TTLL5: variants seen among roughly 807,000 people sequenced by gnomAD.
TTLL5 encodes the protein tubulin polyglutamylase TTLL5.
A neutral mutation model predicts 168.4 loss-of-function variants in TTLL5; 132 were observed. The observed-to-expected ratio is 0.78, with a 90% CI of 0.68 to 0.91. The LOEUF is 0.91. Ranked by LOEUF, TTLL5 falls within the 40% of genes least tolerant of loss-of-function variation. The probability of loss-of-function intolerance (pLI) is 0.00; values close to 1 mark genes in which losing one functional copy is unlikely to be tolerated. For synonymous variants in TTLL5, 546 were observed against 558.6 expected, an observed-to-expected ratio of 0.98 and a Z score of 0.32; for missense variants, 1,545 against 1,581.5, an observed-to-expected ratio of 0.98 and a Z score of 0.39.
At chr14:75,929,794 G>T (rs957661592) in intron 31 of TTLL5, among the ~76,000 whole-genome samples, 2 of 152,096 alleles carry the variant, frequency 1.3e-5, no homozygotes, top group Non-Finnish European at 2.9e-5. Flanking sequence ...AAGTTTATCT[G>T]ACCTGGAACC....
intron 5 of TTLL5, chr14:75,689,676 A>G (rs1439116466): frequency 6.4e-6 from 1 of 157,284 alleles, no homozygotes; most frequent in East Asian, 1.9e-4. Context: ...ATACTGATAC[A>G]TGCAACAATG....
intron 31 of TTLL5, among the ~76,000 whole-genome samples, chr14:75,910,699 G>C (rs2033342096): frequency 6.6e-6 from 1 of 152,194 alleles, no homozygotes; most frequent in African/African-American, 2.4e-5. Context: ...TTTGAACCAG[G>C]TCCCAAAAAG....
chr14:75,925,217 G>A (rs1365165090), intron 31 of TTLL5, among the ~76,000 whole-genome samples: 2 of 149,696 alleles, frequency 1.3e-5, no homozygotes, highest in East Asian at 2.0e-4. Flanking sequence ...CGGACGGGGC[G>A]GCTGGCCTGG....
chr14:75,777,024 A>G (rs1595020687), intron 23 of TTLL5, among the ~76,000 whole-genome samples, 174 bp downstream of exon 23: 1 of 152,250 alleles, frequency 6.6e-6, no homozygotes. Flanking sequence ...AGGCAGGAGG[A>G]TTGCTTGAGC....
In TTLL5 at chr14:75,766,091, A is replaced by T. The variant is rs1034395084; in HGVS notation, c.1738A>T (p.Lys580Ter). The T allele has an allele frequency of 6.2e-7, 1 of 1,613,016 alleles. No individual in the cohort carries two copies. Among genetic ancestry groups the T allele is most frequent in the African/African-American group, 1.3e-5 (1 of 74,840 alleles). The change falls in exon 20 of 32, where the codon AAA becomes TAA. Residue 580 changes from lysine to a stop codon, truncating the protein, a stop_gained. Coordinates refer to ENST00000298832, the MANE Select transcript of TTLL5 (RefSeq NM_015072.5). LOFTEE classifies it high-confidence loss of function. ...TACCCAACCAGCTGAAATGAATGTTAAAACTGAGACAGAGAGTGAAGAGGA... is the reference window on the plus strand; with the variant it reads ...TACCCAACCAGCTGAAATGAATGTTTAAACTGAGACAGAGAGTGAAGAGGA... Reference protein sequence around the residue: ...VITQPAEMNVKTETESEEEEE... With the variant: ...VITQPAEMNV
intron 12 of TTLL5, 121 bp from the exon 13 acceptor site, chr14:75,732,217 C>T (rs1888592140): frequency 1.5e-6 from 1 of 671,570 alleles, no homozygotes. Flanking sequence ...TCTACTTCCA[C>T]TTGCTACTTA....
At chr14:75,675,670 G>A (rs1018881285) in intron 3 of TTLL5, among the ~76,000 whole-genome samples, 1 of 152,160 alleles carries the variant, frequency 6.6e-6, no homozygotes, top group Non-Finnish European at 1.5e-5. Flanking sequence ...TCTTTCTTAG[G>A]CAGTTGGGCA....
At chr14:75,902,710 G>A (rs1384675938) in intron 31 of TTLL5, 1 of 432,482 alleles carries the variant, frequency 2.3e-6, no homozygotes, top group East Asian at 7.0e-5. Flanking sequence ...TCTGTGGACA[G>A]GTTGTTACTG....
At position 75,663,189 on chromosome 14, in the gene TTLL5, T is replaced by C. The variant is rs201704357; in HGVS notation, c.40T>C (p.Ser14Pro). The change falls in exon 2 of 32, where the codon TCA (serine) becomes CCA (proline). Residue 14 changes from serine to proline, a missense_variant. Transcript: ENST00000298832. The stretch of plus-strand genomic sequence containing the variant: ...GGCCCGGGACCTGGAGGAAACAGCA[T>C]CATCCTCAGAGGATGAGGAGGTCAT... Reference protein sequence around the residue: ...VMARDLEETASSSEDEEVISQ... With the variant: ...VMARDLEETAPSSEDEEVISQ... 195 of 1,613,622 alleles carry C rather than the reference T, an allele frequency of 1.2e-4. No homozygotes were observed. Among genetic ancestry groups the C allele is most frequent in the East Asian group, 1.3e-4 (6 of 44,886 alleles).
intron 9 of TTLL5, 22 bp downstream of exon 9, chr14:75,707,729 A>G: frequency 6.3e-7 from 1 of 1,587,844 alleles, no homozygotes; most frequent in Non-Finnish European, 8.6e-7. Context: ...TTTGGGGGTG[A>G]AGGGGTTGGG....
At chr14:75,778,175 A>G (rs1891833073) in intron 23 of TTLL5, among the ~76,000 whole-genome samples, 1 of 152,202 alleles carries the variant, frequency 6.6e-6, no homozygotes, top group South Asian at 2.1e-4. Context: ...TTGTTAACTA[A>G]TTATATAGAT....
intron 27 of TTLL5, among the ~76,000 whole-genome samples, chr14:75,807,513 A>G (rs1192877202): frequency 6.6e-6 from 1 of 152,246 alleles, no homozygotes; most frequent in Admixed American, 6.5e-5. Context: ...TCAGATGCTT[A>G]CTTTGTACTA....
At chr14:75,774,666 A>G (rs1891610551) in intron 21 of TTLL5, among the ~76,000 whole-genome samples, 1 of 151,984 alleles carries the variant, frequency 6.6e-6, no homozygotes, top group South Asian at 2.1e-4. Context: ...GTTGGCCTCC[A>G]TGGCACTATT....
chr14:75,821,705 G>A (rs566907133), intron 28 of TTLL5, among the ~76,000 whole-genome samples: 121 of 152,194 alleles, frequency 8.0e-4, no homozygotes, highest in Non-Finnish European at 1.5e-3. Flanking sequence ...TGATGAGTTC[G>A]GTTAAGGATG....
At chr14:75,722,574 C>T (rs1303689588) in intron 12 of TTLL5, among the ~76,000 whole-genome samples, 1 of 152,092 alleles carries the variant, frequency 6.6e-6, no homozygotes, top group Non-Finnish European at 1.5e-5. Context: ...GCCAGTGTGT[C>T]CTTTCTTCCC....
chr14:75,672,126 C>A (rs7156117), intron 3 of TTLL5, among the ~76,000 whole-genome samples: 5 of 152,196 alleles, frequency 3.3e-5, no homozygotes, highest in African/African-American at 1.2e-4. Flanking sequence ...GATATTTCCC[C>A]CTTCAGCCTG....
intron 15 of TTLL5, 89 bp from the exon 16 acceptor site, chr14:75,745,003 AAAT>A (rs1276358627): frequency 1.7e-5 from 17 of 1,021,740 alleles, no homozygotes; most frequent in Non-Finnish European, 2.3e-5. Context: ...ATCTTTAGAA[AAAT>A]AATGATGTTG....
At chr14:75,705,068 G>C (rs1235873720) in intron 7 of TTLL5, among the ~76,000 whole-genome samples, 1 of 152,224 alleles carries the variant, frequency 6.6e-6, no homozygotes, top group Non-Finnish European at 1.5e-5. Context: ...ATAGCCTGCA[G>C]CTGTATAGTG....
chr14:75,865,331 T>C (rs992580161), intron 29 of TTLL5, among the ~76,000 whole-genome samples: 6 of 152,002 alleles, frequency 3.9e-5, no homozygotes, highest in African/African-American at 1.5e-4. Context: ...CTCCCTGTCA[T>C]TCAGAGTACT....
Sources: gnomAD v4.1 joint callset for allele counts (sites outside exome capture counted in the v4.1 genomes callset) on GRCh38, gnomAD v4.1.1 for gene constraint, MANE v1.5 for transcripts, NCBI Gene and HGNC (gene_info 2026-07-23, HGNC 2026-07-21) for gene names.